The following CMKLR2 variants were observed in gnomAD, a reference collection of about 807,000 sequenced individuals.
The protein encoded by CMKLR2 is chemerin chemokine-like receptor 2, also known as chemerin-like receptor 2.
A neutral mutation model predicts 23.0 loss-of-function variants in CMKLR2; 18 were observed. The ratio of observed to expected loss-of-function variants is 0.78; its 90% CI spans 0.54 to 1.16. CMKLR2 has a LOEUF of 1.16. CMKLR2 is among the 50% of genes most tolerant of loss of function. CMKLR2 has a pLI of 0.00. For missense variants in CMKLR2, 401 were observed against 412.7 expected (o/e 0.97, Z 0.25); for synonymous variants, 158 against 158.9 (o/e 0.99, Z 0.05).
At chr2:206,217,112 G>T (rs889882448), upstream of CMKLR2, among the ~76,000 whole-genome samples, 1 of 151,858 alleles carries the variant, frequency 6.6e-6, no homozygotes, top group African/African-American at 2.4e-5. Context: ...AATCTATCCG[G>T]AACAAAAGCA....
At chr2:206,217,075 A>G (rs1163116063), upstream of CMKLR2, among the ~76,000 whole-genome samples, 2 of 152,162 alleles carry the variant, frequency 1.3e-5, no homozygotes, top group Admixed American at 1.3e-4. Flanking sequence ...GATCATTCTA[A>G]TCTTTTTGTT....
At position 206,177,267 on chromosome 2, in the gene CMKLR2, TGAA is replaced by T. The variant is rs1405183097; in HGVS notation, c.-23_-21del. 18 of 1,436,376 alleles carry T rather than the reference TGAA, an allele frequency of 1.3e-5. No individual in the cohort carries two copies. In the Admixed American group the frequency reaches 2.9e-4, roughly 23 times the overall value. 89.0% of individuals were successfully genotyped at this position (1,436,376 alleles called of 1,614,324 possible). A position where few individuals can be genotyped will look rare whatever the true frequency, so the allele number is the denominator to read the frequency against. On this transcript the variant is annotated 5_prime_UTR_variant, in exon 2 of 2. Transcript: ENST00000621141. ...TTCCATGACCTTGCTAAATGGAGAA[TGAA>T]GAAATCTGTAGAAGCAAATTTAAAA... is the stretch of plus-strand genomic sequence containing the variant.
At chr2:206,190,070 G>C (rs973373841) in intron 1 of CMKLR2, among the ~76,000 whole-genome samples, 10 of 152,136 alleles carry the variant, frequency 6.6e-5, no homozygotes, top group African/African-American at 2.4e-4. Flanking sequence ...GCTGCTGCCA[G>C]TTGGGAGGTG....
At chr2:206,198,604 C>G (rs890283147) in intron 1 of CMKLR2, among the ~76,000 whole-genome samples, 3 of 152,004 alleles carry the variant, frequency 2.0e-5, no homozygotes, top group African/African-American at 7.3e-5. Context: ...CACATTGGAA[C>G]AAAAATATAG....
At chr2:206,193,805 G>A (rs1688830323) in intron 1 of CMKLR2, among the ~76,000 whole-genome samples, 1 of 152,112 alleles carries the variant, frequency 6.6e-6, no homozygotes, top group South Asian at 2.1e-4. Flanking sequence ...TTCTCTGCAG[G>A]CCAAGATAGC....
chr2:206,204,720 C>G (rs892898737), intron 1 of CMKLR2, among the ~76,000 whole-genome samples: 1 of 151,946 alleles, frequency 6.6e-6, no homozygotes, highest in East Asian at 1.9e-4. Flanking sequence ...CCACCGCACC[C>G]GGTTTGTGGG....
At position 206,176,900 on chromosome 2, in the gene CMKLR2, A is replaced by G. The variant is rs753330965; in HGVS notation, c.348T>C (p.Thr116=). The G allele has an allele frequency of 6.2e-7, 1 of 1,614,214 alleles. No homozygotes were observed. The highest frequency in any genetic ancestry group is 8.5e-7 in the Non-Finnish European group (1 of 1,180,028). ...GIWLCKANSF[T]AQLNMFASVF... ...CACTGGCAAACATGTTCAACTGGGC[A>G]GTGAAGGAATTGGCTTTGCACAGCC... The change falls in exon 2 of 2, where the codon ACT becomes ACC. Residue 116 remains threonine, a synonymous_variant. Coordinates refer to ENST00000621141, the MANE Select transcript of CMKLR2 (RefSeq NM_001389445.1).
At chr2:206,211,773 A>G (rs572542460) in intron 1 of CMKLR2, among the ~76,000 whole-genome samples, 2 of 141,560 alleles carry the variant, frequency 1.4e-5, no homozygotes, top group Admixed American at 7.0e-5. Flanking sequence ...TTAAAAAAAG[A>G]AAAAGAAAAA....
At chr2:206,205,529 AT>A (rs35597653) in intron 1 of CMKLR2, among the ~76,000 whole-genome samples, 1,611 of 143,904 alleles carry the variant, frequency 0.011, 19 homozygotes, top group African/African-American at 0.031. Flanking sequence ...CACCCGGCTA[AT>A]TTTTTTTTTT....
intron 1 of CMKLR2, among the ~76,000 whole-genome samples, chr2:206,211,828 CTT>C (rs370176400): frequency 1.9e-5 from 2 of 106,386 alleles, no homozygotes; most frequent in South Asian, 3.6e-4. Context: ...ATCTGAGTCA[CTT>C]TTTTTTTTTT....
chr2:206,184,011 A>G (rs1052940727), intron 1 of CMKLR2, among the ~76,000 whole-genome samples: 1 of 152,168 alleles, frequency 6.6e-6, no homozygotes, highest in South Asian at 2.1e-4. Flanking sequence ...CAGTCTGGAG[A>G]CTAAGTCTGA....
In CMKLR2 at chr2:206,199,590, G is replaced by A. The variant is rs569802747; in HGVS notation, c.-29+13717C>T. Among the ~76,000 whole-genome samples the A allele has an allele frequency of 1.9e-4, 28 of 150,634 alleles. No homozygotes were observed. In the South Asian group the frequency reaches 5.9e-3, roughly 32 times the overall value. On this transcript the variant is annotated intron_variant, in intron 1 of 1. Transcript: ENST00000621141. ...TTATTCTTAGCCTATTTTGTATTAC[G>A]GCATTTTTTTTTTTTTCCCCCGAAA... is the stretch of plus-strand genomic sequence containing the variant.
intron 1 of CMKLR2, among the ~76,000 whole-genome samples, chr2:206,178,849 A>G (rs573309766): frequency 2.7e-4 from 41 of 152,050 alleles, no homozygotes; most frequent in Admixed American, 2.7e-3. Flanking sequence ...GGGTTTCACC[A>G]TGTTGACCAG....
At chr2:206,207,276 G>C (rs1489047421) in intron 1 of CMKLR2, among the ~76,000 whole-genome samples, 1 of 151,900 alleles carries the variant, frequency 6.6e-6, no homozygotes, top group Admixed American at 6.6e-5. Context: ...GAGTAGCTGG[G>C]ACAACAAGCA....
At chr2:206,192,200 G>C (rs1688772516) in intron 1 of CMKLR2, among the ~76,000 whole-genome samples, 1 of 150,972 alleles carries the variant, frequency 6.6e-6, no homozygotes, top group South Asian at 2.1e-4. Flanking sequence ...GGCTGGTCTC[G>C]AACTCCTGAT....
chr2:206,199,255 G>T (rs1689014629), intron 1 of CMKLR2, among the ~76,000 whole-genome samples: 1 of 152,114 alleles, frequency 6.6e-6, no homozygotes, highest in Non-Finnish European at 1.5e-5. Context: ...AAAATTAGCT[G>T]GGCGTGGTGG....
intron 1 of CMKLR2, among the ~76,000 whole-genome samples, chr2:206,208,744 A>G (rs1689430541): frequency 6.6e-6 from 1 of 151,680 alleles, no homozygotes; most frequent in Non-Finnish European, 1.5e-5. Context: ...GGCTCCAACA[A>G]TCCTCCTGCC....
At chr2:206,208,403 G>T (rs1288853710) in intron 1 of CMKLR2, among the ~76,000 whole-genome samples, 1 of 152,036 alleles carries the variant, frequency 6.6e-6, no homozygotes, top group Non-Finnish European at 1.5e-5. Flanking sequence ...AGCCAGGCAT[G>T]GTGGTATATG....
intron 1 of CMKLR2, among the ~76,000 whole-genome samples, chr2:206,212,226 A>G (rs1011308904): frequency 6.6e-6 from 1 of 152,240 alleles, no homozygotes; most frequent in African/African-American, 2.4e-5. Flanking sequence ...AAGTAACAGA[A>G]AATGTATGAC....
Sources: allele counts gnomAD v4.1 joint callset (sites outside exome capture counted in the v4.1 genomes callset), GRCh38; gene constraint gnomAD v4.1.1; transcripts MANE v1.5; gene names NCBI Gene and HGNC (gene_info 2026-07-23, HGNC 2026-07-21).